The following TEX52 variants were observed in gnomAD, a reference collection of about 807,000 sequenced individuals.
The protein encoded by TEX52 is testis-expressed protein 52.
Under a neutral mutation model 17.6 loss-of-function variants are expected in TEX52, and 22 were observed. The observed-to-expected ratio is 1.25, with a 90% CI of 0.89 to 1.78. The LOEUF (loss-of-function observed/expected upper bound fraction) is 1.78, where lower values mean the gene tolerates loss of function less well. Ranked by LOEUF, TEX52 falls within the 40% of genes most tolerant of loss-of-function variation. The pLI is 0.00. For synonymous variants in TEX52, 168 were observed against 147.4 expected, an observed-to-expected ratio of 1.14 and a Z score of -1.01; for missense variants, 396 against 372.3, an observed-to-expected ratio of 1.06 and a Z score of -0.52.
intron 1 of TEX52, 51 bp from the exon 2 acceptor site, chr12:2,855,497 A>ACC: frequency 7.4e-7 from 1 of 1,349,098 alleles, no homozygotes; most frequent in South Asian, 1.8e-5. Context: ...ACAGGGGTGC[A>ACC]GAAAGGTGGG....
At chr12:2,850,341 G>A (rs2153928392) in intron 2 of TEX52, among the ~76,000 whole-genome samples, 2 of 152,072 alleles carry the variant, frequency 1.3e-5, no homozygotes, top group East Asian at 3.9e-4. Flanking sequence ...AGACATGGTG[G>A]CAGGCACCTG....
At chr12:2,849,615 C>T (rs2098063773) in intron 2 of TEX52, 90 bp from the exon 3 acceptor site, 16 of 1,421,048 alleles carry the variant, frequency 1.1e-5, no homozygotes, top group Non-Finnish European at 1.5e-5. Flanking sequence ...GGTGATGCCG[C>T]TGTCCACAAG....
chr12:2,850,018 C>T (rs1004769378), intron 2 of TEX52, among the ~76,000 whole-genome samples: 5 of 152,228 alleles, frequency 3.3e-5, no homozygotes, highest in African/African-American at 9.6e-5. Context: ...GCCCCTGGTT[C>T]GGCAGATAGT....
downstream of TEX52, chr12:2,848,975 C>T (rs2098061395): frequency 6.2e-6 from 3 of 482,522 alleles, no homozygotes; most frequent in African/African-American, 5.9e-5. Flanking sequence ...CCCTGCTCTA[C>T]CCAGCCTCCT....
In TEX52 at chr12:2,855,351, G is replaced by A; in HGVS notation, c.168C>T (p.Thr56=). The A allele has an allele frequency of 6.5e-7, 1 of 1,531,864 alleles. No homozygotes were observed. Among genetic ancestry groups the A allele is most frequent in the East Asian group, 2.5e-5 (1 of 40,744 alleles). 94.9% of individuals were successfully genotyped at this position (1,531,864 alleles called of 1,614,324 possible). A position where few individuals can be genotyped will look rare whatever the true frequency, so the allele number is the denominator to read the frequency against. ...GAGCCAGCTGGTGGTAGGCTTGCCGGGTGAAGCCAGGGAACTCCCAGGACT... is the reference window on the plus strand; with the variant it reads ...GAGCCAGCTGGTGGTAGGCTTGCCGAGTGAAGCCAGGGAACTCCCAGGACT... The part of the protein sequence containing the change: ...PSESWEFPGF[T]RQAYHQLALK... The change falls in exon 2 of 3, where the codon ACC becomes ACT. Residue 56 remains threonine (T), a synonymous_variant. Coordinates refer to ENST00000637658, the MANE Select transcript of TEX52 (RefSeq NM_001365174.2).
At chr12:2,856,894 G>A (rs2098089035) in intron 1 of TEX52, 61 bp downstream of exon 1, 1 of 702,600 alleles carries the variant, frequency 1.4e-6, no homozygotes, top group African/African-American at 1.7e-5. Context: ...CCACTATAAG[G>A]GACAGCCTGT....
At chr12:2,852,246 G>A (rs1409887901) in intron 2 of TEX52, among the ~76,000 whole-genome samples, 1 of 152,164 alleles carries the variant, frequency 6.6e-6, no homozygotes, top group African/African-American at 2.4e-5. Context: ...TGTGAGACAA[G>A]GATCCTACTG....
At chr12:2,850,567 C>G (rs1279662379) in intron 2 of TEX52, among the ~76,000 whole-genome samples, 1 of 151,972 alleles carries the variant, frequency 6.6e-6, no homozygotes, top group Non-Finnish European at 1.5e-5. Flanking sequence ...CAAGATCATG[C>G]TTACATCTCA....
downstream of TEX52, among the ~76,000 whole-genome samples, chr12:2,848,845 G>A (rs1206239344): frequency 6.7e-6 from 1 of 150,154 alleles, no homozygotes; most frequent in Non-Finnish European, 1.5e-5. Flanking sequence ...TTCTTACAGT[G>A]CCTCTTCCCC....
At position 2,855,409 on chromosome 12, in the gene TEX52, G is replaced by T. The variant is rs750147047; in HGVS notation, c.110C>A (p.Thr37Lys). 7.6e-6 allele frequency: 3 copies of T among 395,538 alleles called. No individual in the cohort carries two copies. Among genetic ancestry groups the T allele is most frequent in the South Asian group, 5.2e-5 (3 of 57,528 alleles). The allele number at this position is 395,538 out of a possible 1,614,324, so 24.5% of individuals were successfully genotyped here. ...QASESLPPSQ[T>K]WAQREFFLPS... Reference sequence around the variant, plus strand: ...GAGGAAGAACTCACGCTGAGCCCACGTTTGGGAGGGTGGGAGGGACTCGCT... The same window carrying T: ...GAGGAAGAACTCACGCTGAGCCCACTTTTGGGAGGGTGGGAGGGACTCGCT... The change falls in exon 2 of 3, where the codon ACG becomes AAG. Residue 37 changes from threonine (T) to lysine (K), a missense_variant. By Grantham distance (78) the Thr-to-Lys change is moderately conservative. Transcript: ENST00000637658.
chr12:2,854,320 C>T (rs574321667), intron 2 of TEX52, among the ~76,000 whole-genome samples: 2 of 152,336 alleles, frequency 1.3e-5, no homozygotes, highest in East Asian at 3.9e-4. Context: ...CCACCACGCC[C>T]TGCCATAACA....
At chr12:2,848,972 C>T (rs1346137298), downstream of TEX52, 2 of 482,072 alleles carry the variant, frequency 4.1e-6, no homozygotes, top group African/African-American at 3.9e-5. Flanking sequence ...TCTCCCTGCT[C>T]TACCCAGCCT....
chr12:2,850,475 C>CAAA (rs1275655927), intron 2 of TEX52, among the ~76,000 whole-genome samples: 2,397 of 70,600 alleles, frequency 0.034, 105 homozygotes, highest in African/African-American at 0.11. Flanking sequence ...GACTCTGTCT[C>CAAA]AAAAAAAAAA....
intron 2 of TEX52, among the ~76,000 whole-genome samples, chr12:2,852,049 A>AG (rs1340247370): frequency 6.6e-6 from 1 of 152,100 alleles, no homozygotes; most frequent in African/African-American, 2.4e-5. Flanking sequence ...ATCAGGCAGG[A>AG]GTTTTTTTTT....
chr12:2,854,757 A>G (rs2098081887), intron 2 of TEX52, 139 bp downstream of exon 2: 1 of 879,446 alleles, frequency 1.1e-6, no homozygotes, highest in Non-Finnish European at 1.7e-6. Context: ...CCTTCCAGCT[A>G]CACTCAGAAA....
downstream of TEX52, chr12:2,849,007 G>T: frequency 1.8e-6 from 1 of 545,936 alleles, no homozygotes; most frequent in Non-Finnish European, 3.2e-6. Flanking sequence ...TCCCACCTTC[G>T]ATGAGAGTCC....
intron 2 of TEX52, among the ~76,000 whole-genome samples, chr12:2,851,638 C>T (rs1202835169): frequency 4.0e-5 from 6 of 151,852 alleles, no homozygotes; most frequent in African/African-American, 7.3e-5. Context: ...CCACCACGCC[C>T]GGCCGCTAAA....
Position 2,849,296 on chromosome 12 carries a change from G to C in TEX52, c.853C>G (p.Leu285Val), listed in dbSNP as rs1279847685. 1 of 1,536,174 alleles carries C rather than the reference G, an allele frequency of 6.5e-7. No individual in the cohort carries two copies. The highest frequency in any genetic ancestry group is 1.2e-5 in the South Asian group (1 of 84,060). The change falls in exon 3 of 3, where the codon CTC (leucine) becomes GTC (valine). Residue 285 changes from leucine to valine, a missense_variant. Transcript: ENST00000637658. ...KDRTALPLHH[L>V]SKAQASKSPA... ...GATTTGCTTGCTTGTGCCTTGGAGA[G>C]ATGGTGGAGGGGTAAGGCAGTTCTG...
chr12:2,856,977 T>C lies in TEX52; in HGVS notation c.50A>G (p.His17Arg), dbSNP rs2098089398. Residue 17 changes from histidine to arginine, a missense_variant, in exon 1 of 3, where the codon CAT becomes CGT. Physicochemically the swap from His to Arg is conservative, Grantham distance 29. Coordinates refer to ENST00000637658, the MANE Select transcript of TEX52 (RefSeq NM_001365174.2). Reference sequence around the variant, plus strand: ...TACCTGCAGGAAAGGTTCTTCCATATGAGATGGGTGACTGGGCCCTCTGAG... The same window carrying C: ...TACCTGCAGGAAAGGTTCTTCCATACGAGATGGGTGACTGGGCCCTCTGAG... ...RSLRGPSHPS[H>R]MEEPFLQMVQ... 1 of 702,750 alleles carries C rather than the reference T, an allele frequency of 1.4e-6. No individual in the cohort carries two copies. Among genetic ancestry groups the C allele is most frequent in the Non-Finnish European group, 2.6e-6 (1 of 384,966 alleles). 43.5% of individuals were successfully genotyped at this position (702,750 alleles called of 1,614,324 possible).
Sources: gnomAD v4.1 joint callset for allele counts (sites outside exome capture counted in the v4.1 genomes callset) on GRCh38, gnomAD v4.1.1 for gene constraint, MANE v1.5 for transcripts, NCBI Gene and HGNC (gene_info 2026-07-23, HGNC 2026-07-21) for gene names.